NLRP5: variants seen among roughly 807,000 people sequenced by gnomAD.
NLRP5 encodes NACHT, LRR and PYD domains-containing protein 5.
NLRP5 carries 93 observed loss-of-function variants against 113.1 expected under a neutral mutation model. The observed-to-expected ratio is 0.82, with a 90% CI of 0.70 to 0.98. The LOEUF is 0.98. Among genes scored for constraint, NLRP5 ranks in the 50% least tolerant of loss-of-function variants. The probability of loss-of-function intolerance (pLI) is 0.00; values close to 1 mark genes in which losing one functional copy is unlikely to be tolerated. For missense variants in NLRP5, 1,808 were observed against 1,514.3 expected (o/e 1.19, Z -3.22); for synonymous variants, 751 against 600.7 (o/e 1.25, Z -3.66).
intron 3 of NLRP5, among the ~76,000 whole-genome samples, chr19:56,012,888 A>G (rs1599882401): frequency 6.6e-6 from 1 of 151,910 alleles, no homozygotes; most frequent in South Asian, 2.1e-4. Flanking sequence ...ATCTCTTTAT[A>G]TACTTTCCTT....
At chr19:55,996,293 TTC>T (rs1328466117), upstream of NLRP5, among the ~76,000 whole-genome samples, 2 of 152,212 alleles carry the variant, frequency 1.3e-5, no homozygotes, top group Admixed American at 6.5e-5. Context: ...GCCTTTATTG[TTC>T]TGAGTTATGT....
the NLRP5 span, among the ~76,000 whole-genome samples, chr19:55,991,046 G>A: frequency 5.3e-5 from 8 of 152,060 alleles, no homozygotes; most frequent in Admixed American, 2.0e-4. Context: ...AGCTGTTTAC[G>A]TAATGCATTC....
chr19:56,035,524 A>C (rs2123316333), intron 9 of NLRP5, among the ~76,000 whole-genome samples: 1 of 152,250 alleles, frequency 6.6e-6, no homozygotes, highest in East Asian at 1.9e-4. Context: ...TTCAAAGAAT[A>C]AATAAGATAG....
Position 56,040,907 on chromosome 19 carries a change from G to A in NLRP5, c.2787-15G>A, listed in dbSNP as rs768682191. 4.3e-6 allele frequency: 7 copies of A among 1,611,424 alleles called. No homozygotes were observed. Among genetic ancestry groups the A allele is most frequent in the South Asian group, 2.2e-5 (2 of 90,844 alleles). ...GGCATCTCATCATGTCCTCTCTGGGGCTCTCTTCTTGCAGACTGGAGGACT... is the reference window on the plus strand; with the variant it reads ...GGCATCTCATCATGTCCTCTCTGGGACTCTCTTCTTGCAGACTGGAGGACT... On this transcript the variant is annotated splice_polypyrimidine_tract_variant and intron_variant, in intron 10 of 14. Coordinates refer to ENST00000390649, the MANE Select transcript of NLRP5 (RefSeq NM_153447.4).
At chr19:56,026,685 T>C (rs1211659505) in intron 6 of NLRP5, among the ~76,000 whole-genome samples, 7 of 151,276 alleles carry the variant, frequency 4.6e-5, no homozygotes, top group African/African-American at 1.7e-4. Context: ...TTCAAGCAAT[T>C]CTCCTGCCTC....
chr19:56,026,266 T>C (rs1165906595), intron 6 of NLRP5, among the ~76,000 whole-genome samples: 3 of 152,072 alleles, frequency 2.0e-5, no homozygotes, highest in Non-Finnish European at 2.9e-5. Flanking sequence ...CAGTGGTTCA[T>C]GCCTGTAATC....
chr19:56,048,097 T>A (rs1255144515), intron 11 of NLRP5, among the ~76,000 whole-genome samples: 1 of 152,196 alleles, frequency 6.6e-6, no homozygotes, highest in Non-Finnish European at 1.5e-5. Context: ...CCCTTTACTT[T>A]ATGTGAGTCT....
At position 56,049,518 on chromosome 19, in the gene NLRP5, C is replaced by G. The variant is rs191446693; in HGVS notation, c.2958-900C>G. 1.4e-3 allele frequency among the ~76,000 whole-genome samples: 207 copies of G among 150,730 alleles called. 1 individual carries two copies. Among genetic ancestry groups the G allele is most frequent in the Admixed American group, 2.3e-3 (35 of 15,058 alleles). Reference sequence around the variant, plus strand: ...AGAGATAAGGTTTCACCATGTTGGCCAGGATGGTCTCGAACTCTTGACCTG... The same window carrying G: ...AGAGATAAGGTTTCACCATGTTGGCGAGGATGGTCTCGAACTCTTGACCTG... On this transcript the variant is annotated intron_variant, in intron 11 of 14. Coordinates refer to ENST00000390649, the MANE Select transcript of NLRP5 (RefSeq NM_153447.4).
chr19:56,049,260 A>C (rs1004517997), intron 11 of NLRP5, among the ~76,000 whole-genome samples: 3 of 151,420 alleles, frequency 2.0e-5, no homozygotes, highest in African/African-American at 7.3e-5. Context: ...GCTCACTGCA[A>C]CCTTTGCCTC....
At chr19:56,044,104 C>T (rs1327506850) in intron 11 of NLRP5, among the ~76,000 whole-genome samples, 2 of 149,120 alleles carry the variant, frequency 1.3e-5, no homozygotes, top group African/African-American at 5.0e-5. Context: ...TGCTCTGTCA[C>T]CCAGGCTGGA....
At chr19:56,023,949 G>C (rs1982714692) in intron 6 of NLRP5, among the ~76,000 whole-genome samples, 1 of 152,078 alleles carries the variant, frequency 6.6e-6, no homozygotes, top group African/African-American at 2.4e-5. Flanking sequence ...TAAGGTCCCA[G>C]GATATGAATC....
chr19:56,010,707 A>C (rs1258804948), intron 3 of NLRP5, among the ~76,000 whole-genome samples: 4 of 135,626 alleles, frequency 2.9e-5, no homozygotes, highest in Non-Finnish European at 6.2e-5. Flanking sequence ...GAGCCACTGC[A>C]CTCCAGCCTG....
Position 56,026,912 on chromosome 19 carries a change from G to T in NLRP5, c.680-1G>T. 6.5e-7 allele frequency: 1 copy of T among 1,549,776 alleles called. No individual in the cohort carries two copies. Among genetic ancestry groups the T allele is most frequent in the Non-Finnish European group, 8.7e-7 (1 of 1,145,522 alleles). On this transcript the variant is annotated splice_acceptor_variant, in intron 6 of 14. Coordinates refer to ENST00000390649, the MANE Select transcript of NLRP5 (RefSeq NM_153447.4). LOFTEE classifies it high-confidence loss of function. ...TTTCATTCTACCCTCTCTGACTCCAGGACATGGAGGTGACACATGGGACTA... is the reference window on the plus strand; with the variant it reads ...TTTCATTCTACCCTCTCTGACTCCATGACATGGAGGTGACACATGGGACTA...
chr19:56,043,303 C>T (rs1275490798), intron 11 of NLRP5, among the ~76,000 whole-genome samples: 1 of 152,232 alleles, frequency 6.6e-6, no homozygotes, highest in East Asian at 1.9e-4. Flanking sequence ...GCCATTCTTG[C>T]AAGGGCGATG....
intron 7 of NLRP5, among the ~76,000 whole-genome samples, chr19:56,028,962 G>A (rs193152721): frequency 9.2e-5 from 14 of 152,018 alleles, no homozygotes; most frequent in African/African-American, 1.7e-4. Context: ...ATGGGATTTC[G>A]CCACGTTGGC....
At chr19:56,026,309 A>C (rs769066588) in intron 6 of NLRP5, among the ~76,000 whole-genome samples, 1 of 151,822 alleles carries the variant, frequency 6.6e-6, no homozygotes, top group African/African-American at 2.4e-5. Flanking sequence ...TGGGTACATC[A>C]CTAGGTCAGG....
At chr19:55,990,511 C>T in the NLRP5 span, among the ~76,000 whole-genome samples, 12,904 of 151,380 alleles carry the variant, frequency 0.085, 672 homozygotes, top group East Asian at 0.2. Flanking sequence ...ACTAACATGG[C>T]GAAATACCCT....
At chr19:56,025,408 C>G (rs760756562) in intron 6 of NLRP5, among the ~76,000 whole-genome samples, 1 of 151,458 alleles carries the variant, frequency 6.6e-6, no homozygotes, top group African/African-American at 2.4e-5. Flanking sequence ...CTCTCTCTGT[C>G]TCTCTGTTTT....
At chr19:56,040,551 A>AGC (rs1983482476) in intron 10 of NLRP5, among the ~76,000 whole-genome samples, 1 of 152,196 alleles carries the variant, frequency 6.6e-6, no homozygotes, top group Admixed American at 6.5e-5. Context: ...TGGGCAACAG[A>AGC]GCGAGACTCC....
Sources: gnomAD v4.1 joint callset for allele counts (sites outside exome capture counted in the v4.1 genomes callset) on GRCh38, gnomAD v4.1.1 for gene constraint, MANE v1.5 for transcripts, NCBI Gene and HGNC (gene_info 2026-07-23, HGNC 2026-07-21) for gene names.